The following DMD variants were observed in gnomAD, a reference collection of about 807,000 sequenced individuals.
The protein encoded by DMD is mutant dystrophin.
In DMD, 63 loss-of-function variants were observed where a neutral mutation model predicts 330.1. The observed-to-expected ratio is 0.19, with a 90% CI of 0.16 to 0.24. The LOEUF (loss-of-function observed/expected upper bound fraction) is 0.24, where lower values mean the gene tolerates loss of function less well. DMD is among the 10% of genes least tolerant of loss of function. DMD has a pLI of 1.00. For synonymous variants in DMD, 1,223 were observed against 959.8 expected, an observed-to-expected ratio of 1.27 and a Z score of -5.07; for missense variants, 3,344 against 2,684.1, an observed-to-expected ratio of 1.25 and a Z score of -5.43.
At chrX:32,973,730 C>T (rs941418547) in intron 2 of DMD, among the ~76,000 whole-genome samples, 2 of 111,793 alleles carry the variant, frequency 1.8e-5, no homozygotes, top group African/African-American at 3.3e-5. Flanking sequence ...ACAGCATCCA[C>T]GGCATAATAA....
intron 1 of DMD, among the ~76,000 whole-genome samples, chrX:33,291,282 A>T (rs1330697403): frequency 9.0e-6 from 1 of 111,625 alleles, no homozygotes; most frequent in Non-Finnish European, 1.9e-5. Context: ...ATTTATGACA[A>T]ACCCACAGAC....
intron 41 of DMD, among the ~76,000 whole-genome samples, chrX:32,319,769 T>C (rs772648076): frequency 1.8e-5 from 2 of 110,879 alleles, no homozygotes; most frequent in Non-Finnish European, 3.8e-5. Context: ...TAAGATATAC[T>C]GATTTTAGCT....
At chrX:32,792,334 T>C in intron 7 of DMD, among the ~76,000 whole-genome samples, 1 of 108,301 alleles carries the variant, frequency 9.2e-6, no homozygotes, top group Middle Eastern at 4.6e-3. Context: ...ACAAAAAAAA[T>C]CAAGAAAAGT....
chrX:32,772,643 G>C (rs1315881647), intron 7 of DMD, among the ~76,000 whole-genome samples: 1 of 111,137 alleles, frequency 9.0e-6, no homozygotes, highest in Non-Finnish European at 1.9e-5. Context: ...CGTTTTAAAG[G>C]GACAAAAATA....
chrX:32,615,103 G>T (rs2057461820), intron 11 of DMD, among the ~76,000 whole-genome samples: 1 of 111,016 alleles, frequency 9.0e-6, no homozygotes, highest in Non-Finnish European at 1.9e-5. Context: ...ACAGCCCAAG[G>T]GGTGACCCCC....
chrX:31,547,825 T>A (rs188998400), intron 55 of DMD, among the ~76,000 whole-genome samples: 59 of 111,836 alleles, frequency 5.3e-4, no homozygotes, highest in Admixed American at 2.0e-3. Flanking sequence ...TACTCAAAAG[T>A]GGAATATATG....
At chrX:32,797,681 A>T (rs1031786914) in intron 7 of DMD, among the ~76,000 whole-genome samples, 2 of 112,132 alleles carry the variant, frequency 1.8e-5, no homozygotes, top group African/African-American at 6.5e-5. Flanking sequence ...AGTGTCTATT[A>T]CATATTATTT....
At position 31,951,111 on chromosome X, in the gene DMD, C is replaced by CTATATATATATATATA. The variant is rs1190843934; in HGVS notation, c.6614+17227_6614+17228insTATATATATATATATA. Among the ~76,000 whole-genome samples, 25 of 66,802 alleles carry CTATATATATATATATA rather than the reference C, an allele frequency of 3.7e-4. 1 individual carries two copies. The highest frequency in any genetic ancestry group is 6.4e-4 in the Non-Finnish European group (23 of 36,175). The allele number at this position is 66,802 out of a possible 115,157, so 58.0% of individuals were successfully genotyped here. ...TAGGACCTAAGTTTAAACACACATA[C>CTATATATATATATATA]TATATATATACATATATATATATAT... On this transcript the variant is annotated intron_variant, in intron 45 of 78. Coordinates refer to ENST00000357033, the MANE Select transcript of DMD (RefSeq NM_004006.3).
At chrX:32,223,685 G>A (rs2097138708) in intron 43 of DMD, among the ~76,000 whole-genome samples, 1 of 111,743 alleles carries the variant, frequency 8.9e-6, no homozygotes. Flanking sequence ...CACAGACCAA[G>A]TAACATTGTG....
chrX:32,857,176 C>A (rs1937707761), intron 2 of DMD, among the ~76,000 whole-genome samples: 1 of 112,214 alleles, frequency 8.9e-6, no homozygotes, highest in Non-Finnish European at 1.9e-5. Flanking sequence ...TTATGCTTCG[C>A]ATGCCTGTAT....
intron 44 of DMD, among the ~76,000 whole-genome samples, chrX:32,169,722 G>C (rs1414867682): frequency 8.9e-6 from 1 of 111,811 alleles, no homozygotes; most frequent in Non-Finnish European, 1.9e-5. Context: ...CCCTTCTCTA[G>C]AGTTGCCATG....
intron 3 of DMD, among the ~76,000 whole-genome samples, chrX:32,848,440 G>A (rs922866545): frequency 9.0e-5 from 10 of 111,204 alleles, no homozygotes; most frequent in East Asian, 2.8e-4. Flanking sequence ...TCAAATTGGC[G>A]CCCAGCAAAC....
intron 44 of DMD, among the ~76,000 whole-genome samples, chrX:32,044,727 CATT>C (rs912623323): frequency 6.2e-5 from 7 of 112,073 alleles, no homozygotes; most frequent in Admixed American, 5.7e-4. Flanking sequence ...CAGCCTATAT[CATT>C]GTTATTACTA....
intron 7 of DMD, among the ~76,000 whole-genome samples, chrX:32,752,177 T>A (rs776644096): frequency 1.7e-4 from 19 of 111,211 alleles, no homozygotes; most frequent in Non-Finnish European, 2.8e-4. Flanking sequence ...GAATGGTAGA[T>A]CCACTGGCAG....
At chrX:32,353,300 T>TACATGTCA (rs1364518878) in intron 37 of DMD, among the ~76,000 whole-genome samples, 2 of 111,728 alleles carry the variant, frequency 1.8e-5, no homozygotes, top group African/African-American at 6.5e-5. Context: ...TTCCTTGGTC[T>TACATGTCA]TCCCTGTCTT....
chrX:32,641,999 TA>T (rs1430611404), intron 11 of DMD, among the ~76,000 whole-genome samples: 1 of 111,011 alleles, frequency 9.0e-6, no homozygotes, highest in Non-Finnish European at 1.9e-5. Flanking sequence ...AAGTAAAACC[TA>T]GATTAGTTTT....
intron 60 of DMD, among the ~76,000 whole-genome samples, chrX:31,396,008 A>C (rs1330517459): frequency 8.9e-6 from 1 of 112,140 alleles, no homozygotes; most frequent in African/African-American, 3.2e-5. Flanking sequence ...TTTAGCTATT[A>C]CTGTTGATTA....
chrX:32,801,352 G>A (rs746907948), intron 7 of DMD, among the ~76,000 whole-genome samples: 6 of 111,208 alleles, frequency 5.4e-5, no homozygotes, highest in South Asian at 7.6e-4. Context: ...CATACCCTTT[G>A]CCTACTTTTT....
intron 44 of DMD, among the ~76,000 whole-genome samples, chrX:32,197,715 T>C (rs143983607): frequency 0.04 from 4,516 of 111,584 alleles, 251 homozygotes; most frequent in African/African-American, 0.14. Flanking sequence ...TTTTTACTTA[T>C]TGGAATTGGA....
Sources: allele counts gnomAD v4.1 joint callset (sites outside exome capture counted in the v4.1 genomes callset), GRCh38; gene constraint gnomAD v4.1.1; transcripts MANE v1.5; gene names NCBI Gene and HGNC (gene_info 2026-07-23, HGNC 2026-07-21).